The following PMFBP1 variants were observed in gnomAD, a reference collection of about 807,000 sequenced individuals.
PMFBP1 encodes polyamine modulated factor 1 binding protein 1, also known as polyamine-modulated factor 1-binding protein 1.
Under a neutral mutation model 137.8 loss-of-function variants are expected in PMFBP1, and 131 were observed. That is an observed-to-expected ratio of 0.95 (90% CI 0.82 to 1.10). The LOEUF is 1.10. PMFBP1 is among the 50% of genes least tolerant of loss of function. The probability of loss-of-function intolerance (pLI) is 0.00; values close to 1 mark genes in which losing one functional copy is unlikely to be tolerated. For synonymous variants in PMFBP1, 490 were observed against 450.4 expected, an observed-to-expected ratio of 1.09 and a Z score of -1.11; for missense variants, 1,199 against 1,175.4, an observed-to-expected ratio of 1.02 and a Z score of -0.29.
the PMFBP1 span, among the ~76,000 whole-genome samples, chr16:72,220,443 C>A: frequency 6.6e-6 from 1 of 151,892 alleles, no homozygotes; most frequent in Non-Finnish European, 1.5e-5. Flanking sequence ...AAATAAAAAC[C>A]AAAAGCCCAT....
At chr16:72,225,707 T>TTTATTA in the PMFBP1 span, among the ~76,000 whole-genome samples, 642 of 123,354 alleles carry the variant, frequency 5.2e-3, 10 homozygotes, top group East Asian at 0.026. Flanking sequence ...AATGAGACTG[T>TTTATTA]TTATAATAAT....
At chr16:72,220,128 A>G in the PMFBP1 span, among the ~76,000 whole-genome samples, 1 of 152,262 alleles carries the variant, frequency 6.6e-6, no homozygotes, top group Non-Finnish European at 1.5e-5. Flanking sequence ...ACTTGGAAAT[A>G]TATATCAAGA....
chr16:72,200,201 C>T, the PMFBP1 span, among the ~76,000 whole-genome samples: 9 of 152,356 alleles, frequency 5.9e-5, no homozygotes, highest in East Asian at 1.9e-4. Flanking sequence ...TAGAGCCAGT[C>T]CTCTGACTCC....
the PMFBP1 span, among the ~76,000 whole-genome samples, chr16:72,199,653 CAA>C: frequency 8.7e-4 from 72 of 82,380 alleles, no homozygotes; most frequent in South Asian, 3.7e-3. Flanking sequence ...GACTCCGTCT[CAA>C]AAAAAAAAAA....
downstream of PMFBP1, among the ~76,000 whole-genome samples, chr16:72,118,764 G>A (rs1276040806): frequency 4.0e-5 from 4 of 99,524 alleles, no homozygotes; most frequent in Admixed American, 1.3e-4. Context: ...GGTGGTGGGC[G>A]GGGGGGCAGG....
rs761651459 is a variant in PMFBP1, at chr16:72,140,395, T to C, written c.807+17A>G. ...TTGAGGGTCTCCCAGAGACATGTTC[T>C]AGAAGAAGGCACTTACCAAAGCGTT... On this transcript the variant is annotated intron_variant, in intron 6 of 20. Transcript: ENST00000237353. The C allele has an allele frequency of 6.2e-7, 1 of 1,603,536 alleles. No homozygotes were observed. Among genetic ancestry groups the C allele is most frequent in the Non-Finnish European group, 8.5e-7 (1 of 1,170,454 alleles).
intron 16 of PMFBP1, 138 bp downstream of exon 16, chr16:72,125,100 T>C (rs1040364156): frequency 3.7e-5 from 51 of 1,393,172 alleles, no homozygotes; most frequent in East Asian, 2.5e-4. Flanking sequence ...TGCCTCTGTC[T>C]GAAGTTCAGG....
chr16:72,143,811 T>C (rs1031323162), intron 5 of PMFBP1, among the ~76,000 whole-genome samples: 1 of 151,822 alleles, frequency 6.6e-6, no homozygotes, highest in Non-Finnish European at 1.5e-5. Context: ...GAGGCCAAGG[T>C]AGGCAGATCA....
chr16:72,157,806 A>T (rs2043004924), intron 3 of PMFBP1, among the ~76,000 whole-genome samples: 1 of 152,184 alleles, frequency 6.6e-6, no homozygotes, highest in Admixed American at 6.5e-5. Flanking sequence ...CAGACAAAGG[A>T]TGACGGCGTG....
intron 2 of PMFBP1, among the ~76,000 whole-genome samples, chr16:72,165,958 C>T (rs777958299): frequency 2.6e-5 from 4 of 152,112 alleles, no homozygotes; most frequent in African/African-American, 7.2e-5. Context: ...GATGCCACCT[C>T]CACTCCCAGA....
At chr16:72,221,121 A>G in the PMFBP1 span, among the ~76,000 whole-genome samples, 1 of 152,190 alleles carries the variant, frequency 6.6e-6, no homozygotes, top group East Asian at 1.9e-4. Flanking sequence ...AGACTGAGGC[A>G]TGAAGAGTGA....
At chr16:72,131,238 G>A (rs1597463912) in intron 10 of PMFBP1, among the ~76,000 whole-genome samples, 2 of 152,180 alleles carry the variant, frequency 1.3e-5, no homozygotes, top group South Asian at 4.1e-4. Flanking sequence ...TGCGGAAGGT[G>A]TGTGGGAGGA....
intron 14 of PMFBP1, chr16:72,128,400 A>G: frequency 7.0e-7 from 1 of 1,425,618 alleles, no homozygotes; most frequent in African/African-American, 1.4e-5. Context: ...GTAACATTGG[A>G]AGACTTGATG....
At chr16:72,246,508 A>G in the PMFBP1 span, among the ~76,000 whole-genome samples, 2 of 151,846 alleles carry the variant, frequency 1.3e-5, no homozygotes, top group Non-Finnish European at 2.9e-5. Context: ...TCGTGCCTTA[A>G]TGTCCTCACA....
At chr16:72,140,766 G>T (rs1392539267) in intron 5 of PMFBP1, among the ~76,000 whole-genome samples, 184 bp from the exon 6 acceptor site, 5 of 151,928 alleles carry the variant, frequency 3.3e-5, no homozygotes, top group African/African-American at 1.2e-4. Flanking sequence ...AAGTCCAAAT[G>T]GTTCACAAGA....
chr16:72,150,612 C>A lies in PMFBP1; in HGVS notation c.632G>T (p.Gly211Val). 6.2e-7 allele frequency: 1 copy of A among 1,612,664 alleles called. No homozygotes were observed. Among genetic ancestry groups the A allele is most frequent in the Non-Finnish European group, 8.5e-7 (1 of 1,179,964 alleles). Residue 211 changes from glycine (G) to valine (V), a missense_variant, in exon 5 of 21, where the codon GGT becomes GTT. Physicochemically the swap from Gly to Val is moderately radical, Grantham distance 109. Coordinates refer to ENST00000237353, the MANE Select transcript of PMFBP1 (RefSeq NM_031293.3). ...MLQGELGGIM[G>V]QEPENKGDHS... ...ATGGCCTGACTTAAGTCCTACCTGA[C>A]CCATGATCCCGCCGAGTTCCCCCTG...
Position 72,163,867 on chromosome 16 carries a change from G to A in PMFBP1, c.165+897C>T, listed in dbSNP as rs375922601. Among the ~76,000 whole-genome samples, 184 of 151,720 alleles carry A rather than the reference G, an allele frequency of 1.2e-3. 1 individual carries two copies. The highest frequency in any genetic ancestry group is 1.4e-3 in the Non-Finnish European group (92 of 67,898). Reference sequence around the variant, plus strand: ...GTTCTTACTTATAAGTGGGAGCTAAGCTATGAGGATGCAAAGGCATAAGAG... The same window carrying A: ...GTTCTTACTTATAAGTGGGAGCTAAACTATGAGGATGCAAAGGCATAAGAG... On this transcript the variant is annotated intron_variant, in intron 3 of 20. Transcript: ENST00000237353.
At chr16:72,238,768 C>A in the PMFBP1 span, among the ~76,000 whole-genome samples, 2 of 152,136 alleles carry the variant, frequency 1.3e-5, no homozygotes, top group African/African-American at 4.8e-5. Flanking sequence ...TCTAAAATAA[C>A]AACCATTCAC....
intron 19 of PMFBP1, among the ~76,000 whole-genome samples, chr16:72,120,682 C>T (rs943263714): frequency 4.6e-5 from 7 of 152,190 alleles, no homozygotes; most frequent in Non-Finnish European, 8.8e-5. Flanking sequence ...GCGCATTCCC[C>T]GTGGCTCAAT....
Sources: allele counts gnomAD v4.1 joint callset (sites outside exome capture counted in the v4.1 genomes callset), GRCh38; gene constraint gnomAD v4.1.1; transcripts MANE v1.5; gene names NCBI Gene and HGNC (gene_info 2026-07-23, HGNC 2026-07-21).